MAD1L1: variants seen among roughly 807,000 people sequenced by gnomAD.
The protein encoded by MAD1L1 is mitotic arrest deficient 1 like 1, also known as mitotic spindle assembly checkpoint protein MAD1.
A neutral mutation model predicts 96.9 loss-of-function variants in MAD1L1; 95 were observed. The ratio of observed to expected loss-of-function variants is 0.98; its 90% CI spans 0.83 to 1.16. The LOEUF (loss-of-function observed/expected upper bound fraction) is 1.16, where lower values mean the gene tolerates loss of function less well. Among genes scored for constraint, MAD1L1 ranks in the 50% most tolerant of loss-of-function variants. The pLI is 0.00. For missense variants in MAD1L1, 1,007 were observed against 954.4 expected (o/e 1.06, Z -0.73); for synonymous variants, 473 against 396.6 (o/e 1.19, Z -2.29).
intron 14 of MAD1L1, chr7:1,980,839 T>C (rs1414526871): frequency 1.9e-6 from 1 of 518,530 alleles, no homozygotes; most frequent in Middle Eastern, 3.4e-4. Context: ...GACACGCAGC[T>C]GGGGAGAGAG....
At chr7:2,121,878 A>C (rs1165575407) in intron 11 of MAD1L1, among the ~76,000 whole-genome samples, 1 of 152,194 alleles carries the variant, frequency 6.6e-6, no homozygotes, top group Non-Finnish European at 1.5e-5. Flanking sequence ...CAGCAGGAAC[A>C]CAGACCCGTG....
At chr7:2,156,850 GGAAAA>G (rs377044113) in intron 10 of MAD1L1, among the ~76,000 whole-genome samples, 3 of 150,816 alleles carry the variant, frequency 2.0e-5, no homozygotes, top group Non-Finnish European at 2.9e-5. Flanking sequence ...AGAAAGAAAA[GGAAAA>G]GAAAAGAAAA....
intron 10 of MAD1L1, among the ~76,000 whole-genome samples, chr7:2,198,759 ACTC>A (rs1792125979): frequency 6.6e-6 from 1 of 151,984 alleles, no homozygotes; most frequent in Admixed American, 6.6e-5. Context: ...GGTAGCCCCT[ACTC>A]CTCCAGGTGT....
chr7:1,869,754 C>T (rs896373164), intron 18 of MAD1L1, among the ~76,000 whole-genome samples: 1 of 152,210 alleles, frequency 6.6e-6, no homozygotes, highest in Non-Finnish European at 1.5e-5. Flanking sequence ...ATGGAGATCA[C>T]GTGCGTGGGC....
chr7:2,065,845 G>A (rs991049614), intron 12 of MAD1L1, among the ~76,000 whole-genome samples: 7 of 152,188 alleles, frequency 4.6e-5, no homozygotes, highest in African/African-American at 1.7e-4. Context: ...GGTGGGAAGC[G>A]GAGGCTTTTC....
chr7:2,021,836 T>C (rs1001355514), intron 12 of MAD1L1, among the ~76,000 whole-genome samples: 4 of 152,102 alleles, frequency 2.6e-5, no homozygotes, highest in African/African-American at 9.7e-5. Context: ...TTGGCAGCCC[T>C]GGCCCCTGTA....
intron 15 of MAD1L1, among the ~76,000 whole-genome samples, chr7:1,960,365 C>A (rs187470140): frequency 1.8e-3 from 271 of 151,942 alleles, no homozygotes; most frequent in Non-Finnish European, 3.3e-3. Flanking sequence ...GCCTAACTAC[C>A]ACAATTAAAA....
rs559040021 is a variant in MAD1L1, at chr7:1,920,203, C to T, written c.1807+16484G>A. On this transcript the variant is annotated intron_variant, in intron 17 of 18. Coordinates refer to ENST00000265854, the MANE Select transcript of MAD1L1 (RefSeq NM_001013836.2). The stretch of plus-strand genomic sequence containing the variant: ...AGCTCTCGGGACTTGCCTGTCATTG[C>T]GTGAGCCAACTCCCTGTAACAAGCA... Among the ~76,000 whole-genome samples, 80 of 152,328 alleles carry T rather than the reference C, an allele frequency of 5.3e-4. 1 individual carries two copies. The highest frequency in any genetic ancestry group is 1.2e-3 in the South Asian group (6 of 4,822).
chr7:1,914,745 C>T (rs1788264040), intron 17 of MAD1L1, among the ~76,000 whole-genome samples: 2 of 152,056 alleles, frequency 1.3e-5, no homozygotes, highest in South Asian at 4.1e-4. Flanking sequence ...TCCAGAGTAG[C>T]TGGGATTACA....
At chr7:2,221,942 C>T (rs1012539296) in intron 5 of MAD1L1, among the ~76,000 whole-genome samples, 2 of 152,098 alleles carry the variant, frequency 1.3e-5, no homozygotes, top group African/African-American at 4.8e-5. Context: ...TCAACAGAAG[C>T]GAGGGCTGAG....
At chr7:1,867,391 G>C (rs925878107) in intron 18 of MAD1L1, among the ~76,000 whole-genome samples, 1 of 152,214 alleles carries the variant, frequency 6.6e-6, no homozygotes, top group Non-Finnish European at 1.5e-5. Context: ...CATGGAAGGC[G>C]GCACTGCAGC....
At chr7:1,874,173 T>G (rs1785253386) in intron 18 of MAD1L1, among the ~76,000 whole-genome samples, 1 of 152,024 alleles carries the variant, frequency 6.6e-6, no homozygotes, top group African/African-American at 2.4e-5. Flanking sequence ...AGACAGTGGC[T>G]GGCGCCAGAG....
chr7:2,162,363 C>T (rs571881080), intron 10 of MAD1L1, among the ~76,000 whole-genome samples: 164 of 152,168 alleles, frequency 1.1e-3, no homozygotes, highest in Non-Finnish European at 1.9e-3. Context: ...GCAGGATGTG[C>T]TTTGTTAAAC....
intron 13 of MAD1L1, among the ~76,000 whole-genome samples, chr7:2,010,269 G>C (rs1241857642): frequency 6.6e-6 from 1 of 151,708 alleles, no homozygotes; most frequent in Non-Finnish European, 1.5e-5. Context: ...AGCACCCGCA[G>C]AGCTGCCCGA....
chr7:2,090,631 G>C (rs1051254740), intron 11 of MAD1L1, among the ~76,000 whole-genome samples: 4 of 152,212 alleles, frequency 2.6e-5, no homozygotes, highest in African/African-American at 9.6e-5. Flanking sequence ...GCCTTTCCTT[G>C]TTTCTCATGG....
intron 12 of MAD1L1, among the ~76,000 whole-genome samples, chr7:2,042,880 CAT>C (rs1161664911): frequency 1.3e-5 from 1 of 79,168 alleles, no homozygotes; most frequent in Admixed American, 1.0e-4. Context: ...CACGCACACA[CAT>C]GTCCACGTCC....
intron 10 of MAD1L1, among the ~76,000 whole-genome samples, chr7:2,175,917 A>G (rs896248951): frequency 7.2e-5 from 11 of 152,274 alleles, no homozygotes; most frequent in Non-Finnish European, 4.4e-5. Context: ...AGTTACTTTA[A>G]AAGGCTAATA....
intron 10 of MAD1L1, among the ~76,000 whole-genome samples, chr7:2,177,766 G>A (rs148394339): frequency 3.5e-4 from 53 of 152,226 alleles, no homozygotes; most frequent in Non-Finnish European, 5.9e-4. Flanking sequence ...GTTTCTGCTC[G>A]ACTCTGTAAA....
intron 16 of MAD1L1, among the ~76,000 whole-genome samples, chr7:1,955,299 C>T (rs916780056): frequency 7.9e-5 from 12 of 152,142 alleles, no homozygotes; most frequent in African/African-American, 2.7e-4. Context: ...GGTGCAGGGG[C>T]GGCAGCCGGC....
Sources: gnomAD v4.1 joint callset for allele counts (sites outside exome capture counted in the v4.1 genomes callset) on GRCh38, gnomAD v4.1.1 for gene constraint, MANE v1.5 for transcripts, NCBI Gene and HGNC (gene_info 2026-07-23, HGNC 2026-07-21) for gene names.